HHIP: variants seen among roughly 807,000 people sequenced by gnomAD.
HHIP encodes hedgehog-interacting protein.
A neutral mutation model predicts 74.0 loss-of-function variants in HHIP; 12 were observed. That is an observed-to-expected ratio of 0.16 (90% confidence interval 0.10 to 0.26). HHIP has a LOEUF of 0.26. Ranked by LOEUF, HHIP falls within the 10% of genes least tolerant of loss-of-function variation. The probability of loss-of-function intolerance (pLI) is 1.00; values close to 1 mark genes in which losing one functional copy is unlikely to be tolerated. For synonymous variants in HHIP, 309 were observed against 311.6 expected (o/e 0.99, Z 0.09); for missense variants, 788 against 845.0 (o/e 0.93, Z 0.84).
intron 8 of HHIP, among the ~76,000 whole-genome samples, chr4:144,713,664 A>G (rs555556153): frequency 6.6e-6 from 1 of 152,314 alleles, no homozygotes; most frequent in African/African-American, 2.4e-5. Flanking sequence ...ACAACTCTAT[A>G]AACAGAACAT....
Position 144,658,773 on chromosome 4 carries a change from T to G in HHIP, c.473-17T>G. 6.2e-7 allele frequency: 1 copy of G among 1,604,736 alleles called. No individual in the cohort carries two copies. The highest frequency in any genetic ancestry group is 8.5e-7 in the Non-Finnish European group (1 of 1,174,916). On this transcript the variant is annotated splice_polypyrimidine_tract_variant and intron_variant, in intron 2 of 12. Transcript: ENST00000296575. ...GACATTAGGTGCTTCTAATGAGTCT[T>G]TTTATATTTTTTAAAGGTTTCCTTC... is the stretch of plus-strand genomic sequence containing the variant.
chr4:144,731,369 A>C (rs1730949403), intron 11 of HHIP, among the ~76,000 whole-genome samples: 1 of 152,208 alleles, frequency 6.6e-6, no homozygotes, highest in African/African-American at 2.4e-5. Flanking sequence ...CATATTTCAG[A>C]GAGTGTATTT....
chr4:144,658,623 C>A (rs951204824), intron 2 of HHIP, among the ~76,000 whole-genome samples, 167 bp from the exon 3 acceptor site: 1 of 152,044 alleles, frequency 6.6e-6, no homozygotes. Context: ...CCCACCTCAG[C>A]CTCACAAAGT....
intron 4 of HHIP, among the ~76,000 whole-genome samples, chr4:144,689,022 A>C (rs1729571223): frequency 6.6e-6 from 1 of 152,234 alleles, no homozygotes. Context: ...TATCTTCCCA[A>C]GGGTTTGGTT....
chr4:144,648,281 T>C (rs1728325508), intron 1 of HHIP: 1 of 152,184 alleles, frequency 6.6e-6, no homozygotes, highest in African/African-American at 2.4e-5. Flanking sequence ...ACCATTGTAT[T>C]TGTTAGTTGG....
At chr4:144,713,338 G>A (rs1015104761) in intron 8 of HHIP, among the ~76,000 whole-genome samples, 1 of 152,028 alleles carries the variant, frequency 6.6e-6, no homozygotes, top group Non-Finnish European at 1.5e-5. Context: ...CTCTCAGTGT[G>A]CTCATTATTT....
chr4:144,721,543 G>T (rs1730633564), intron 11 of HHIP, among the ~76,000 whole-genome samples: 1 of 137,926 alleles, frequency 7.3e-6, no homozygotes, highest in African/African-American at 2.7e-5. Context: ...AAATGCCATT[G>T]TTTAGCATGA....
chr4:144,733,917 A>T (rs72948500), intron 11 of HHIP, among the ~76,000 whole-genome samples: 3,462 of 152,274 alleles, frequency 0.023, 123 homozygotes, highest in African/African-American at 0.079. Flanking sequence ...ACTATAAATG[A>T]TGGCAGTTGT....
chr4:144,659,941 C>A (rs1435710567), intron 4 of HHIP, 103 bp downstream of exon 4: 1 of 852,446 alleles, frequency 1.2e-6, no homozygotes. Context: ...AAGAAAGAAT[C>A]TTGCAGGAGA....
chr4:144,697,224 G>T (rs1729844714), intron 4 of HHIP, among the ~76,000 whole-genome samples: 1 of 151,834 alleles, frequency 6.6e-6, no homozygotes, highest in African/African-American at 2.4e-5. Flanking sequence ...TAAAAGCTTT[G>T]CTTTCTCCAA....
intron 4 of HHIP, among the ~76,000 whole-genome samples, chr4:144,667,794 T>A (rs1406881437): frequency 1.3e-5 from 2 of 152,216 alleles, no homozygotes; most frequent in Non-Finnish European, 2.9e-5. Flanking sequence ...ACATGGTTTC[T>A]GTCAATCTAC....
Position 144,646,715 on chromosome 4 carries a change from G to T in HHIP, c.40G>T (p.Val14Leu), listed in dbSNP as rs766969894. 2 of 1,614,172 alleles carry T rather than the reference G, an allele frequency of 1.2e-6. No individual in the cohort carries two copies. Among genetic ancestry groups the T allele is most frequent in the Non-Finnish European group, 1.7e-6 (2 of 1,180,016 alleles). Reference sequence around the variant, plus strand: ...CTCCTTTAAGCTGCTGCTGCTGGCCGTGGCTCTGGGCTTCTTTGAAGGAGA... The same window carrying T: ...CTCCTTTAAGCTGCTGCTGCTGGCCTTGGCTCTGGGCTTCTTTGAAGGAGA... ...MLSFKLLLLA[V>L]ALGFFEGDAK... Residue 14 changes from valine to leucine, a missense_variant, in exon 1 of 13, where the codon GTG becomes TTG. Val to Leu is a conservative substitution (Grantham distance 32). Coordinates refer to ENST00000296575, the MANE Select transcript of HHIP (RefSeq NM_022475.3).
chr4:144,663,958 C>T (rs1017118644), intron 4 of HHIP, among the ~76,000 whole-genome samples: 1 of 152,212 alleles, frequency 6.6e-6, no homozygotes, highest in African/African-American at 2.4e-5. Flanking sequence ...GAAGGATATG[C>T]CCGCACCTGT....
intron 4 of HHIP, among the ~76,000 whole-genome samples, chr4:144,671,636 C>G (rs1020057496): frequency 1.3e-5 from 2 of 152,204 alleles, no homozygotes; most frequent in Admixed American, 1.3e-4. Flanking sequence ...TTTTGCCACA[C>G]AGTGATGGCA....
At chr4:144,681,387 C>G (rs897342406) in intron 4 of HHIP, among the ~76,000 whole-genome samples, 2 of 141,452 alleles carry the variant, frequency 1.4e-5, no homozygotes, top group Non-Finnish European at 3.1e-5. Context: ...TTCAGAGCTT[C>G]TTGGACTTCA....
At chr4:144,703,703 G>T (rs181420075) in intron 4 of HHIP, among the ~76,000 whole-genome samples, 1 of 152,166 alleles carries the variant, frequency 6.6e-6, no homozygotes, top group Non-Finnish European at 1.5e-5. Context: ...ACAGGAGGCT[G>T]GGAGGTCTGG....
intron 1 of HHIP, chr4:144,650,645 C>T (rs551774195): frequency 6.6e-6 from 1 of 152,200 alleles, no homozygotes; most frequent in African/African-American, 2.4e-5. Flanking sequence ...ATGGCTCTAT[C>T]TATCTTCAAA....
rs543692843 is a variant in HHIP at position 144,703,761 on chromosome 4, C to T, written c.832-2770C>T. 2.6e-5 allele frequency among the ~76,000 whole-genome samples: 4 copies of T among 152,280 alleles called. No individual in the cohort carries two copies. The East Asian group carries it at 7.7e-4, about 29-fold the overall frequency. On this transcript the variant is annotated intron_variant, in intron 4 of 12. Transcript: ENST00000296575. ...AGGCACCAACGTCCAGGCTCTCGGGCTAGGACGGTGTCCTGGTGAAGACTA... is the reference window on the plus strand; with the variant it reads ...AGGCACCAACGTCCAGGCTCTCGGGTTAGGACGGTGTCCTGGTGAAGACTA...
rs34173170 is a variant in HHIP, at chr4:144,721,594, G to GAA, written c.1760+2655_1760+2656dup. ...GCCTAGAACTCAGGAGTTATTTAAG[G>GAA]AAAAAAAAAAAAAAAAAACTTCCAG... On this transcript the variant is annotated intron_variant, in intron 11 of 12. Transcript: ENST00000296575. Among the ~76,000 whole-genome samples, 27 of 130,266 alleles carry GAA rather than the reference G, an allele frequency of 2.1e-4. No homozygotes were observed. The South Asian group carries it at 4.0e-3, about 19-fold the overall frequency. 85.5% of individuals were successfully genotyped at this position (130,266 alleles called of 152,430 possible).
Sources: allele counts gnomAD v4.1 joint callset (sites outside exome capture counted in the v4.1 genomes callset), GRCh38; gene constraint gnomAD v4.1.1; transcripts MANE v1.5; gene names NCBI Gene and HGNC (gene_info 2026-07-23, HGNC 2026-07-21).